BLTP1: variants seen among roughly 807,000 people sequenced by gnomAD.
The protein encoded by BLTP1 is bridge-like lipid transfer protein family member 1, also known as fragile site-associated protein.
At chr4:122,188,211 T>C in the BLTP1 span, 1 of 1,140,126 alleles carries the variant, frequency 8.8e-7, no homozygotes, top group Non-Finnish European at 1.1e-6. Context: ...TATTTCTCTA[T>C]TAAAGCAGTT....
the BLTP1 span, chr4:122,247,166 T>C: frequency 1.9e-6 from 3 of 1,610,754 alleles, no homozygotes; most frequent in South Asian, 3.3e-5. Flanking sequence ...AGAGGTGTGG[T>C]TGAAGAGACT....
the BLTP1 span, chr4:122,204,597 A>T: frequency 1.0e-6 from 1 of 984,050 alleles, no homozygotes; most frequent in Non-Finnish European, 1.2e-6. Flanking sequence ...AAAGATGGTT[A>T]GTTTTTCCTT....
chr4:122,325,889 C>A, the BLTP1 span: 3 of 1,181,728 alleles, frequency 2.5e-6, no homozygotes, highest in Non-Finnish European at 3.3e-6. Flanking sequence ...ACACCACAAT[C>A]CAGCTGTCCT....
At chr4:122,207,723 C>A in the BLTP1 span, 1 of 1,129,038 alleles carries the variant, frequency 8.9e-7, no homozygotes, top group Non-Finnish European at 1.2e-6. Context: ...CTCTTCTCCC[C>A]AGTCCATTGC....
At chr4:122,261,629 T>G in the BLTP1 span, 1 of 983,982 alleles carries the variant, frequency 1.0e-6, no homozygotes, top group African/African-American at 1.7e-5. Context: ...ATTAGAGTAG[T>G]AGGAAGGATA....
chr4:122,206,656 T>A, the BLTP1 span, among the ~76,000 whole-genome samples: 1 of 151,830 alleles, frequency 6.6e-6, no homozygotes, highest in South Asian at 2.1e-4. Flanking sequence ...CTGACAAATC[T>A]CATTAATGAG....
At chr4:122,242,403 T>C in the BLTP1 span, among the ~76,000 whole-genome samples, 16 of 152,276 alleles carry the variant, frequency 1.1e-4, no homozygotes, top group East Asian at 2.9e-3. Context: ...ATGATTTCAC[T>C]CGTAGAATCT....
At chr4:122,243,726 A>G in the BLTP1 span, 1 of 1,213,294 alleles carries the variant, frequency 8.2e-7, no homozygotes, top group Non-Finnish European at 1.1e-6. Flanking sequence ...CAAAGAAAAA[A>G]AAAAAGTCAA....
chr4:122,209,262 A>G, the BLTP1 span: 14 of 1,613,094 alleles, frequency 8.7e-6, no homozygotes, highest in Non-Finnish European at 1.2e-5. Flanking sequence ...ATGATTCATG[A>G]TACTGGTATT....
chr4:122,264,307 G>A, the BLTP1 span: 1 of 1,610,506 alleles, frequency 6.2e-7, no homozygotes, highest in Non-Finnish European at 8.5e-7. Context: ...ACACTGTCTT[G>A]TCTAGTGACC....
chr4:122,210,204 G>A, the BLTP1 span: 27 of 193,480 alleles, frequency 1.4e-4, no homozygotes, highest in South Asian at 2.2e-3. Context: ...TAAAGTTGAG[G>A]AAATATGCTC....
At chr4:122,176,012 A>T in the BLTP1 span, 6 of 691,680 alleles carry the variant, frequency 8.7e-6, no homozygotes, top group East Asian at 2.8e-5. Flanking sequence ...AGAAAAGTTT[A>T]ATTTTTAGGC....
chr4:122,218,481 T>C, the BLTP1 span, among the ~76,000 whole-genome samples: 1 of 152,192 alleles, frequency 6.6e-6, no homozygotes, highest in Non-Finnish European at 1.5e-5. Flanking sequence ...TTTAAGCCCT[T>C]CAACATTATT....
chr4:122,199,867 T>C, the BLTP1 span: 7 of 951,702 alleles, frequency 7.4e-6, no homozygotes, highest in Non-Finnish European at 7.5e-6. Flanking sequence ...TAAGGTAAAA[T>C]GAAGAAAATC....
the BLTP1 span, chr4:122,339,346 C>T: frequency 1.9e-6 from 3 of 1,613,232 alleles, no homozygotes; most frequent in South Asian, 1.1e-5. Flanking sequence ...GAGACTTTAT[C>T]CCCTGGAGGT....
At chr4:122,240,623 T>C in the BLTP1 span, among the ~76,000 whole-genome samples, 1 of 152,220 alleles carries the variant, frequency 6.6e-6, no homozygotes, top group African/African-American at 2.4e-5. Context: ...AAGATTAGGA[T>C]CAACTCTCTC....
the BLTP1 span, among the ~76,000 whole-genome samples, chr4:122,222,131 C>T: frequency 2.0e-5 from 3 of 152,172 alleles, no homozygotes; most frequent in Non-Finnish European, 4.4e-5. Flanking sequence ...ACCCCGAAGA[C>T]AAAGGTACCA....
At chr4:122,201,288 A>C in the BLTP1 span, among the ~76,000 whole-genome samples, 2 of 152,212 alleles carry the variant, frequency 1.3e-5, no homozygotes, top group African/African-American at 4.8e-5. Flanking sequence ...TTAAATATAG[A>C]CATTTTGCAT....
the BLTP1 span, chr4:122,304,653 C>T: frequency 1.4e-6 from 2 of 1,393,632 alleles, no homozygotes; most frequent in Non-Finnish European, 9.4e-7. Flanking sequence ...GGTCTGGAAC[C>T]AAACCCATAT....
Sources: gnomAD v4.1 joint callset for allele counts (sites outside exome capture counted in the v4.1 genomes callset) on GRCh38, gnomAD v4.1.1 for gene constraint, MANE v1.5 for transcripts, NCBI Gene and HGNC (gene_info 2026-07-23, HGNC 2026-07-21) for gene names.